The following AGA variants were observed in gnomAD, a reference collection of about 807,000 sequenced individuals.
AGA encodes the protein aspartylglucosaminidase.
AGA carries 31 observed loss-of-function variants against 40.1 expected under a neutral mutation model. The ratio of observed to expected loss-of-function variants is 0.77; its 90% CI spans 0.58 to 1.04. The LOEUF is 1.04. AGA is among the 50% of genes least tolerant of loss of function. The probability of loss-of-function intolerance (pLI) is 0.00; values close to 1 mark genes in which losing one functional copy is unlikely to be tolerated. For missense variants in AGA, 445 were observed against 435.4 expected (o/e 1.02, Z -0.20); for synonymous variants, 148 against 144.0 (o/e 1.03, Z -0.20).
chr4:177,441,438 G>T (rs1579046503), intron 1 of AGA, among the ~76,000 whole-genome samples: 1 of 152,234 alleles, frequency 6.6e-6, no homozygotes, highest in South Asian at 2.1e-4. Context: ...TTAAGCAAAT[G>T]AAAGAAACAA....
chr4:177,436,484 T>G, intron 5 of AGA, 133 bp from the exon 6 acceptor site: 1 of 753,144 alleles, frequency 1.3e-6, no homozygotes. Flanking sequence ...CAACATCCTA[T>G]TCCACAAGGT....
intron 3 of AGA, among the ~76,000 whole-genome samples, chr4:177,439,288 G>C (rs1736918028): frequency 6.6e-6 from 1 of 152,194 alleles, no homozygotes; most frequent in South Asian, 2.1e-4. Context: ...GGCTGAGGTA[G>C]GAGAATCACT....
chr4:177,441,847 G>A (rs1032212893), intron 1 of AGA, among the ~76,000 whole-genome samples: 1 of 152,148 alleles, frequency 6.6e-6, no homozygotes, highest in African/African-American at 2.4e-5. Context: ...ACTATTAGTC[G>A]TCTACAAAAT....
rs780842670 is a variant in AGA, at chr4:177,440,425, C to T, written c.129G>A (p.Ala43=). 27 of 1,613,754 alleles carry T rather than the reference C, an allele frequency of 1.7e-5. No homozygotes were observed. Among genetic ancestry groups the T allele is most frequent in the Non-Finnish European group, 2.1e-5 (25 of 1,179,996 alleles). The change falls in exon 2 of 9, where the codon GCG becomes GCA. Residue 43 remains alanine (A), a splice_region_variant and synonymous_variant. Transcript: ENST00000264595. ...TWPFKNATEA[A]WRALASGGSA... is the part of the protein sequence containing the mutation. ...AGCCTCCAGATGCTAATGCCCTCCA[C>T]GCTGTTAATCAAATCCCAATAATGC...
At position 177,440,481 on chromosome 4, in the gene AGA, C is replaced by T; in HGVS notation, c.128-55G>A. On this transcript the variant is annotated intron_variant, in intron 1 of 8. Transcript: ENST00000264595. Reference sequence around the variant, plus strand: ...TATATATATATTTTTTTTTCAATGCCAAATGCAACAAACCAACTCCAATTT... The same window carrying T: ...TATATATATATTTTTTTTTCAATGCTAAATGCAACAAACCAACTCCAATTT... 10 of 1,565,992 alleles carry T rather than the reference C, an allele frequency of 6.4e-6. 1 individual carries two copies. The South Asian group carries it at 1.0e-4, about 16-fold the overall frequency.
At chr4:177,433,134 G>A in intron 8 of AGA, 80 bp downstream of exon 8, 1 of 1,583,436 alleles carries the variant, frequency 6.3e-7, no homozygotes, top group South Asian at 1.1e-5. Context: ...ATAGTGTATT[G>A]TACAAAACAA....
Position 177,442,405 on chromosome 4 carries a change from A to T in AGA, c.-30T>A, listed in dbSNP as rs757281398. ...GACCACCGAAGAGACCAGCGCGAGA[A>T]AAGTCCCGGCAGCCAGCGATCGCCG... On this transcript the variant is annotated 5_prime_UTR_variant, in exon 1 of 9. Coordinates refer to ENST00000264595, the MANE Select transcript of AGA (RefSeq NM_000027.4). 2 of 1,613,472 alleles carry T rather than the reference A, an allele frequency of 1.2e-6. No individual in the cohort carries two copies. The highest frequency in any genetic ancestry group is 1.7e-6 in the Non-Finnish European group (2 of 1,179,784).
chr4:177,434,223 A>C (rs1736721698), intron 7 of AGA, among the ~76,000 whole-genome samples, 159 bp downstream of exon 7: 1 of 152,024 alleles, frequency 6.6e-6, no homozygotes, highest in Non-Finnish European at 1.5e-5. Flanking sequence ...GGCTGGTCTC[A>C]AACTCCTGAC....
chr4:177,434,551 G>C, intron 6 of AGA, 62 bp from the exon 7 acceptor site: 1 of 1,375,490 alleles, frequency 7.3e-7, no homozygotes, highest in Non-Finnish European at 1.0e-6. Flanking sequence ...TAAGTCATAA[G>C]CTGTTCCAAA....
intron 1 of AGA, among the ~76,000 whole-genome samples, chr4:177,441,946 G>A (rs1336628019): frequency 6.6e-6 from 1 of 152,232 alleles, no homozygotes; most frequent in East Asian, 1.9e-4. Flanking sequence ...GCTGCTACTT[G>A]ATTAAAGCAC....
intron 3 of AGA, 149 bp downstream of exon 3, chr4:177,439,427 T>C (rs1426821239): frequency 2.8e-5 from 20 of 711,998 alleles, no homozygotes; most frequent in Middle Eastern, 2.8e-4. Flanking sequence ...GTAAAGAGAT[T>C]TAAAAGTTAC....
intron 7 of AGA, among the ~76,000 whole-genome samples, chr4:177,433,749 C>T (rs1414540491): frequency 6.6e-6 from 1 of 152,212 alleles, no homozygotes; most frequent in Non-Finnish European, 1.5e-5. Flanking sequence ...GATGACTGCA[C>T]TTCCTACTTT....
chr4:177,434,750 T>C (rs1428810025), intron 6 of AGA, among the ~76,000 whole-genome samples: 1 of 152,054 alleles, frequency 6.6e-6, no homozygotes, highest in East Asian at 1.9e-4. Context: ...AAAATGGTGG[T>C]TACTGGAGGC....
intron 1 of AGA, among the ~76,000 whole-genome samples, 158 bp from the exon 2 acceptor site, chr4:177,440,584 AAG>A (rs1560950970): frequency 6.6e-6 from 1 of 152,204 alleles, no homozygotes; most frequent in Non-Finnish European, 1.5e-5. Flanking sequence ...GGAGTCAGTG[AAG>A]AGTCAAAATT....
chr4:177,435,003 G>A (rs746768048), intron 6 of AGA, among the ~76,000 whole-genome samples: 13 of 151,792 alleles, frequency 8.6e-5, no homozygotes, highest in Admixed American at 5.3e-4. Flanking sequence ...GGGTTCAAGC[G>A]ATTCTCCCTG....
Position 177,442,420 on chromosome 4 carries a change from A to G in AGA, c.-45T>C, listed in dbSNP as rs747279779. 8.1e-6 allele frequency: 13 copies of G among 1,611,892 alleles called. No individual in the cohort carries two copies. The highest frequency in any genetic ancestry group is 3.3e-5 in the South Asian group (3 of 90,932). On this transcript the variant is annotated 5_prime_UTR_variant, in exon 1 of 9. Coordinates refer to ENST00000264595, the MANE Select transcript of AGA (RefSeq NM_000027.4). ...CAGCGCGAGAAAAGTCCCGGCAGCC[A>G]GCGATCGCCGAACAATTAATCCCCA...
intron 5 of AGA, 54 bp from the exon 6 acceptor site, chr4:177,436,405 T>A (rs1736821741): frequency 1.4e-6 from 2 of 1,400,342 alleles, no homozygotes; most frequent in African/African-American, 2.9e-5. Context: ...ACCTCAAATA[T>A]AACCAAATAA....
intron 6 of AGA, among the ~76,000 whole-genome samples, chr4:177,435,108 A>G (rs1367145535): frequency 4.6e-5 from 7 of 151,326 alleles, no homozygotes; most frequent in Admixed American, 6.6e-5. Flanking sequence ...ACTGGGTTTC[A>G]CCATGTTGGC....
At chr4:177,439,095 C>T (rs762184971) in intron 3 of AGA, among the ~76,000 whole-genome samples, 68 of 152,142 alleles carry the variant, frequency 4.5e-4, no homozygotes, top group Non-Finnish European at 8.7e-4. Flanking sequence ...TAAGAGTTCT[C>T]GTCCCGGCCA....
Sources: gnomAD v4.1 joint callset for allele counts (sites outside exome capture counted in the v4.1 genomes callset) on GRCh38, gnomAD v4.1.1 for gene constraint, MANE v1.5 for transcripts, NCBI Gene and HGNC (gene_info 2026-07-23, HGNC 2026-07-21) for gene names.